SLX4: variants seen among roughly 807,000 people sequenced by gnomAD.
The protein encoded by SLX4 is structure-specific endonuclease subunit SLX4.
In SLX4, 112 loss-of-function variants were observed where a neutral mutation model predicts 146.2. The ratio of observed to expected loss-of-function variants is 0.77; its 90% confidence interval spans 0.66 to 0.90. SLX4 has a LOEUF of 0.90. Ranked by LOEUF, SLX4 falls within the 40% of genes least tolerant of loss-of-function variation. SLX4 has a pLI of 0.00. For synonymous variants in SLX4, 1,061 were observed against 997.7 expected (o/e 1.06, Z -1.20); for missense variants, 2,563 against 2,392.7 (o/e 1.07, Z -1.49).
chr16:3,606,445 T>A, intron 3 of SLX4, 29 bp downstream of exon 3: 1 of 1,610,210 alleles, frequency 6.2e-7, no homozygotes, highest in South Asian at 1.1e-5. Context: ...CTTATCTCTG[T>A]GTGGAAGACA....
At chr16:3,602,013 G>C (rs536298100) in intron 4 of SLX4, 105 bp downstream of exon 4, 2 of 1,316,712 alleles carry the variant, frequency 1.5e-6, no homozygotes, top group African/African-American at 2.9e-5. Flanking sequence ...ACAAAGCTGA[G>C]GTGCTGTTGT....
chr16:3,593,001 C>T lies in SLX4; in HGVS notation c.2161-136G>A, dbSNP rs139226142. The T allele has an allele frequency of 2.9e-3, 2,494 of 862,886 alleles. 41 individuals carry two copies. The African/African-American group carries it at 0.031, about 11-fold the overall frequency. 53.5% of individuals were successfully genotyped at this position (862,886 alleles called of 1,614,324 possible). On this transcript the variant is annotated intron_variant, in intron 10 of 14. Transcript: ENST00000294008. ...TAGAGACAGTGTCTCCCCTTGTCACCCAGGCTAGAGTACAGTGGTGTGATC... is the reference window on the plus strand; with the variant it reads ...TAGAGACAGTGTCTCCCCTTGTCACTCAGGCTAGAGTACAGTGGTGTGATC...
chr16:3,610,590 A>C (rs1407988235), intron 1 of SLX4, among the ~76,000 whole-genome samples: 1 of 152,232 alleles, frequency 6.6e-6, no homozygotes, highest in Non-Finnish European at 1.5e-5. Context: ...AAGCCAGTTC[A>C]GGAACAGCTT....
rs1176904529 is a variant in SLX4 at position 3,583,492 on chromosome 16, C to T, written c.4758G>A (p.Leu1586=). The change falls in exon 14 of 15, where the codon CTG becomes CTA. Residue 1586 remains leucine, a synonymous_variant. Transcript: ENST00000294008. The part of the protein sequence containing the change: ...KELDRFGVRP[L]PKRQMVLKLK... ...GCTTCAGAACCATCTGGCGTTTAGG[C>T]AGAGGGCGGACTCCAAACCTGACGG... 1 of 1,614,152 alleles carries T rather than the reference C, an allele frequency of 6.2e-7. No individual in the cohort carries two copies. Among genetic ancestry groups the T allele is most frequent in the Non-Finnish European group, 8.5e-7 (1 of 1,180,052 alleles).
rs2040874664 is a variant in SLX4 at position 3,611,536 on chromosome 16, G to A, written c.-603+24C>T. ...TCCGCCTCCCGGGTGCCGACTCCCA[G>A]CCCCACAGCCCGGCTCCTCCTACCT... On this transcript the variant is annotated intron_variant, in intron 1 of 14. Coordinates refer to ENST00000294008, the MANE Select transcript of SLX4 (RefSeq NM_032444.4). The A allele has an allele frequency of 2.6e-5, 4 of 152,644 alleles. No homozygotes were observed. The South Asian group carries it at 8.3e-4, about 32-fold the overall frequency. The allele number at this position is 152,644 out of a possible 1,614,324, so 9.5% of individuals were successfully genotyped here. A position where few individuals can be genotyped will look rare whatever the true frequency, so the allele number is the denominator to read the frequency against.
At position 3,597,817 on chromosome 16, in the gene SLX4, T is replaced by C. The variant is rs2040681136; in HGVS notation, c.1346A>G (p.Glu449Gly). 6.2e-7 allele frequency: 1 copy of C among 1,614,060 alleles called. No homozygotes were observed. Among genetic ancestry groups the C allele is most frequent in the Non-Finnish European group, 8.5e-7 (1 of 1,180,012 alleles). The change falls in exon 6 of 15, where the codon GAG (glutamate) becomes GGG (glycine). Residue 449 changes from glutamate to glycine, a missense_variant. By Grantham distance (98) the Glu-to-Gly change is moderately conservative. Coordinates refer to ENST00000294008, the MANE Select transcript of SLX4 (RefSeq NM_032444.4). This position sits in a 1 kb window ranked among gnomAD's most constrained non-coding sequence, Gnocchi z 4.4. ...PALRLESAFS[E>G]RIRPEAENKS... ...CAAACCTGCTTCTGGTCTTATCCTC[T>C]CAGAAAAGGCACTTTCCAGCCTGAG...
chr16:3,594,407 G>C, intron 10 of SLX4, 46 bp downstream of exon 10: 1 of 1,586,530 alleles, frequency 6.3e-7, no homozygotes. Context: ...CAGGAGGAGA[G>C]AGGGAGAGAG....
intron 3 of SLX4, among the ~76,000 whole-genome samples, chr16:3,602,598 G>A (rs1384967091): frequency 3.3e-5 from 5 of 152,170 alleles, no homozygotes; most frequent in Non-Finnish European, 7.4e-5. Flanking sequence ...GAGACTCTCC[G>A]CATTTCTAGC....
rs773588926 is a variant in SLX4, at chr16:3,596,404, C to T, written c.1684-11G>A. On this transcript the variant is annotated splice_polypyrimidine_tract_variant and intron_variant, in intron 7 of 14. Coordinates refer to ENST00000294008, the MANE Select transcript of SLX4 (RefSeq NM_032444.4). ...CTCCTGCATAAGGCCCTGAAAGAAG[C>T]CAGTAAGGAGAGTGACCACGTGGTC... 1.5e-5 allele frequency: 24 copies of T among 1,583,744 alleles called. No individual in the cohort carries two copies. The highest frequency in any genetic ancestry group is 2.1e-5 in the Non-Finnish European group (24 of 1,161,636).
chr16:3,607,859 C>T (rs1181192218), intron 2 of SLX4, among the ~76,000 whole-genome samples: 1 of 152,220 alleles, frequency 6.6e-6, no homozygotes, highest in African/African-American at 2.4e-5. Context: ...AACTTACCCA[C>T]TTTGGAATAA....
chr16:3,606,551 G>A lies in SLX4; in HGVS notation c.683C>T (p.Ser228Leu), dbSNP rs774244807. 6.2e-7 allele frequency: 1 copy of A among 1,614,218 alleles called. No individual in the cohort carries two copies. The highest frequency in any genetic ancestry group is 2.2e-5 in the East Asian group (1 of 44,890). ...CGCAGCCTCGAGGGAGCACTCTTCT[G>A]AAGCGTGTCTCAAACGCTCGGGGTC... is the stretch of plus-strand genomic sequence containing the variant. ...RADPERLRHA[S>L]EECSLEAARE... The change falls in exon 3 of 15, where the codon TCA becomes TTA. Residue 228 changes from serine (S) to leucine (L), a missense_variant. Physicochemically the swap from Ser to Leu is moderately radical, Grantham distance 145. Transcript: ENST00000294008.
At chr16:3,601,288 A>C in intron 4 of SLX4, 97 bp from the exon 5 acceptor site, 2 of 1,314,618 alleles carry the variant, frequency 1.5e-6, no homozygotes, top group South Asian at 2.4e-5. Flanking sequence ...CTGTGGTCAA[A>C]GCAAGTTCCC....
chr16:3,582,584 C>T lies in SLX4; in HGVS notation c.5263G>A (p.Ala1755Thr), dbSNP rs780678810. 2.5e-6 allele frequency: 4 copies of T among 1,613,730 alleles called. No individual in the cohort carries two copies. The highest frequency in any genetic ancestry group is 3.4e-6 in the Non-Finnish European group (4 of 1,180,040). ...TTGGAGCGGATGTAGCACCTCAGCG[C>T]CTCGTCTGTGTCCGCCGCCTGCACG... ...AAVQAADTDE[A>T]LRCYIRSKPA... Residue 1755 changes from alanine (A) to threonine (T), a missense_variant, in exon 15 of 15, where the codon GCG becomes ACG. Coordinates refer to ENST00000294008, the MANE Select transcript of SLX4 (RefSeq NM_032444.4).
Position 3,582,234 on chromosome 16 carries a change from G to T in SLX4, c.*108C>A. The T allele has an allele frequency of 1.1e-6, 1 of 909,046 alleles. No individual in the cohort carries two copies. Among genetic ancestry groups the T allele is most frequent in the Non-Finnish European group, 1.7e-6 (1 of 590,536 alleles). The allele number at this position is 909,046 out of a possible 1,614,324, so 56.3% of individuals were successfully genotyped here. A position where few individuals can be genotyped will look rare whatever the true frequency, so the allele number is the denominator to read the frequency against. On this transcript the variant is annotated 3_prime_UTR_variant, in exon 15 of 15. Coordinates refer to ENST00000294008, the MANE Select transcript of SLX4 (RefSeq NM_032444.4). ...AGAGCTGATGTGGTCCCCAGGCCCA[G>T]AAATGCCTGTGGAGGCCTGACCCAC...
At position 3,583,244 on chromosome 16, in the gene SLX4, C is replaced by G. The variant is rs1158082958; in HGVS notation, c.5006G>C (p.Arg1669Thr). Reference sequence around the variant, plus strand: ...GGGTGTGATGCTTTCATGATGCTTCCTTTGATGTCGGGGGCCCTTGGTCTT... The same window carrying G: ...GGGTGTGATGCTTTCATGATGCTTCGTTTGATGTCGGGGGCCCTTGGTCTT... ...PAKTKGPRHQ[R>T]KHHESITPPS... Residue 1669 changes from arginine to threonine, a missense_variant, in exon 14 of 15, where the codon AGG (arginine) becomes ACG (threonine). Arg to Thr is a moderately conservative substitution (Grantham distance 71). Transcript: ENST00000294008. 4 of 1,614,082 alleles carry G rather than the reference C, an allele frequency of 2.5e-6. No homozygotes were observed. The highest frequency in any genetic ancestry group is 3.4e-6 in the Non-Finnish European group (4 of 1,180,034).
chr16:3,596,111 G>A (rs1424957518), intron 8 of SLX4, 42 bp downstream of exon 8: 12 of 1,537,062 alleles, frequency 7.8e-6, no homozygotes, highest in South Asian at 2.4e-5. Context: ...GGGGAGGCCC[G>A]GGAGGGCAGG....
Position 3,602,235 on chromosome 16 carries a change from C to A in SLX4, c.833G>T (p.Arg278Leu), listed in dbSNP as rs201192909. Residue 278 changes from arginine (R) to leucine (L), a missense_variant, in exon 4 of 15, where the codon CGG becomes CTG. Arg to Leu is a moderately radical substitution (Grantham distance 102). Coordinates refer to ENST00000294008, the MANE Select transcript of SLX4 (RefSeq NM_032444.4). Reference sequence around the variant, plus strand: ...ATCATCATGTGCCGATGCTCCTACCCGTGCAAACTCCTGCTGCAGGGTCAA... The same window carrying A: ...ATCATCATGTGCCGATGCTCCTACCAGTGCAAACTCCTGCTGCAGGGTCAA... ...VALTLQQEFARVGASAHDDSL... is the reference protein window; with the variant it reads ...VALTLQQEFALVGASAHDDSL... The A allele has an allele frequency of 6.2e-7, 1 of 1,614,180 alleles. No homozygotes were observed. Among genetic ancestry groups the A allele is most frequent in the Non-Finnish European group, 8.5e-7 (1 of 1,180,038 alleles).
rs1421905027 is a variant in SLX4 at position 3,583,144 on chromosome 16, G to A, written c.5106C>T (p.Ser1702=). Residue 1702 remains serine, a synonymous_variant, in exon 14 of 15, where the codon TCC becomes TCT. Coordinates refer to ENST00000294008, the MANE Select transcript of SLX4 (RefSeq NM_032444.4). The stretch of plus-strand genomic sequence containing the variant: ...CACTGCCATCCACAGAGGTGGCCAC[G>A]GATTCTTGAGAGGCTGGGATCTGGG... ...DDAQIPASQE[S]VATSVDGSDS... 11 of 1,614,236 alleles carry A rather than the reference G, an allele frequency of 6.8e-6. No homozygotes were observed. In the Admixed American group the frequency reaches 1.2e-4, roughly 17 times the overall value.
intron 3 of SLX4, among the ~76,000 whole-genome samples, chr16:3,606,063 C>A (rs1340135592): frequency 6.6e-6 from 1 of 151,808 alleles, no homozygotes; most frequent in African/African-American, 2.4e-5. Context: ...AGTTCGAGAC[C>A]AGCCTGGCCA....
Sources: gnomAD v4.1 joint callset for allele counts (sites outside exome capture counted in the v4.1 genomes callset) on GRCh38, gnomAD v4.1.1 for gene constraint, Gnocchi (gnomAD v3.1) non-coding constraint, MANE v1.5 for transcripts, NCBI Gene and HGNC (gene_info 2026-07-23, HGNC 2026-07-21) for gene names.